ENO4: variants seen among roughly 807,000 people sequenced by gnomAD.
The protein encoded by ENO4 is 2-phospho-D-glycerate hydro-lyase.
In ENO4, 53 loss-of-function variants were observed where a neutral mutation model predicts 63.2. That is an observed-to-expected ratio of 0.84 (90% CI 0.67 to 1.05). The LOEUF (loss-of-function observed/expected upper bound fraction) is 1.05. ENO4 is among the 50% of genes least tolerant of loss of function. The probability of loss-of-function intolerance (pLI) is 0.00; values close to 1 mark genes in which losing one functional copy is unlikely to be tolerated. For synonymous variants in ENO4, 266 were observed against 283.8 expected (o/e 0.94, Z 0.63); for missense variants, 719 against 772.0 (o/e 0.93, Z 0.81).
intron 11 of ENO4, among the ~76,000 whole-genome samples, chr10:116,878,360 A>C (rs1190899539): frequency 1.3e-5 from 2 of 152,226 alleles, no homozygotes; most frequent in African/African-American, 2.4e-5. Flanking sequence ...GGTAGATGAT[A>C]GATAGGAGGC....
chr10:116,849,942 G>A (rs1846023138), intron 1 of ENO4: 1 of 715,698 alleles, frequency 1.4e-6, no homozygotes. Flanking sequence ...GTGGCAGAAA[G>A]GAGGCAGCTG....
Position 116,852,951 on chromosome 10 carries a change from T to C in ENO4, c.166-2672T>C, listed in dbSNP as rs1263893528. On this transcript the variant is annotated intron_variant, in intron 1 of 13. Transcript: ENST00000341276. ...AAGCCCCACCCAGATTACAGGACCA[T>C]GAGCAAGTTAATGGTTTAAACCACC... Among the ~76,000 whole-genome samples the C allele has an allele frequency of 2.0e-5, 3 of 152,178 alleles. No homozygotes were observed. The East Asian group carries it at 5.8e-4, about 29-fold the overall frequency.
downstream of ENO4, among the ~76,000 whole-genome samples, chr10:116,887,332 T>C (rs1292384980): frequency 1.3e-5 from 2 of 152,156 alleles, no homozygotes; most frequent in East Asian, 1.9e-4. Context: ...GGAACAGATA[T>C]CTCTGAAACA....
chr10:116,900,358 A>G (rs1352641065), intron 10 of ENO4: 1 of 611,060 alleles, frequency 1.6e-6, no homozygotes, highest in Non-Finnish European at 2.9e-6. Flanking sequence ...CCTTTATGGC[A>G]TCTAACAACT....
chr10:116,889,712 C>T (rs1024485859), intron 10 of ENO4, among the ~76,000 whole-genome samples: 9 of 152,216 alleles, frequency 5.9e-5, no homozygotes, highest in Non-Finnish European at 1.3e-4. Flanking sequence ...TCAAAGGCAT[C>T]TTCTCCTAGA....
chr10:116,866,538 T>C (rs1378298993), intron 7 of ENO4, among the ~76,000 whole-genome samples: 2 of 152,184 alleles, frequency 1.3e-5, no homozygotes, highest in Admixed American at 1.3e-4. Context: ...TAAATGCCTG[T>C]CTTGGCCAAG....
intron 1 of ENO4, 173 bp downstream of exon 1, chr10:116,849,904 C>G: frequency 1.3e-6 from 1 of 797,162 alleles, no homozygotes; most frequent in Non-Finnish European, 2.1e-6. Context: ...GAAGGACACC[C>G]AGGGGTGAAG....
chr10:116,906,848 G>A lies in ENO4; in HGVS notation c.1195-4651G>A, dbSNP rs192150942. 7.2e-4 allele frequency: 698 copies of A among 969,452 alleles called. 1 individual carries two copies. Among genetic ancestry groups the A allele is most frequent in the Admixed American group, 1.8e-3 (53 of 30,166 alleles). The allele number at this position is 969,452 out of a possible 1,614,324, so 60.1% of individuals were successfully genotyped here. On this transcript the variant is annotated intron_variant, in intron 10 of 10. Coordinates refer to the ENO4 transcript ENST00000369207. The stretch of plus-strand genomic sequence containing the variant: ...ATGAAAACATTACCAGAATTTGAAT[G>A]GAATTATGAAACAAAATGAATTTGC...
In ENO4 at chr10:116,855,651, C is replaced by A. The variant is rs1324668477; in HGVS notation, c.194C>A (p.Pro65His). Residue 65 changes from proline (P) to histidine (H), a missense_variant, in exon 2 of 14, where the codon CCT becomes CAT. Pro to His is a moderately conservative substitution (Grantham distance 77, BLOSUM62 -2). Coordinates refer to ENST00000341276, the MANE Select transcript of ENO4 (RefSeq NM_001242699.2). Reference protein sequence around the residue: ...LANCFSKLAKPPTICKIVGKD... With the variant: ...LANCFSKLAKHPTICKIVGKD... ...AACTGCTTTTCTAAACTTGCAAAGC[C>A]TCCCACCATATGCAAAATAGTGGGG... 3.3e-6 allele frequency: 5 copies of A among 1,536,274 alleles called. No individual in the cohort carries two copies. Among genetic ancestry groups the A allele is most frequent in the Non-Finnish European group, 4.4e-6 (5 of 1,146,928 alleles).
intron 10 of ENO4, chr10:116,901,738 C>A: frequency 1.3e-6 from 2 of 1,546,500 alleles, no homozygotes; most frequent in South Asian, 2.5e-5. Flanking sequence ...TTCTATACAC[C>A]ACTTAGTAAA....
At chr10:116,901,111 G>A (rs1358284742) in intron 10 of ENO4, 1 of 985,158 alleles carries the variant, frequency 1.0e-6, no homozygotes, top group Non-Finnish European at 1.2e-6. Flanking sequence ...TGACAAACTA[G>A]CTGACATCCT....
chr10:116,907,228 C>T lies in ENO4; in HGVS notation c.1195-4271C>T, dbSNP rs970859621. 7.2e-5 allele frequency among the ~76,000 whole-genome samples: 11 copies of T among 152,108 alleles called. No individual in the cohort carries two copies. The East Asian group carries it at 7.7e-4, about 11-fold the overall frequency. ...CTGGCTGCACACCTGATGTCCGTGGCGTCGTAGCTGTCAAAGGAGGCACAT... is the reference window on the plus strand; with the variant it reads ...CTGGCTGCACACCTGATGTCCGTGGTGTCGTAGCTGTCAAAGGAGGCACAT... On this transcript the variant is annotated intron_variant, in intron 10 of 10. Coordinates refer to the ENO4 transcript ENST00000369207.
intron 3 of ENO4, among the ~76,000 whole-genome samples, chr10:116,858,774 A>T (rs1846337119): frequency 1.3e-5 from 2 of 152,220 alleles, no homozygotes; most frequent in South Asian, 2.1e-4. Context: ...ATCTTTAAAC[A>T]TTTATTTCCA....
chr10:116,863,042 TAAC>T (rs1262001543), intron 7 of ENO4, among the ~76,000 whole-genome samples, 190 bp downstream of exon 7: 15 of 152,218 alleles, frequency 9.9e-5, no homozygotes, highest in Admixed American at 4.6e-4. Flanking sequence ...TAATGGTACT[TAAC>T]AATCTCATTT....
At chr10:116,886,214 A>AC, downstream of ENO4, 1 of 1,284,714 alleles carries the variant, frequency 7.8e-7, no homozygotes, top group Non-Finnish European at 1.1e-6. Flanking sequence ...CAAAAGTGAC[A>AC]CCAGAAAAGA....
At position 116,868,707 on chromosome 10, in the gene ENO4, G is replaced by A. The variant is rs1846609912; in HGVS notation, c.1047+1G>A. The A allele has an allele frequency of 2.6e-6, 4 of 1,549,674 alleles. No homozygotes were observed. Among genetic ancestry groups the A allele is most frequent in the Non-Finnish European group, 2.6e-6 (3 of 1,146,194 alleles). ...GCACGATGGAAGCAAAAGAGGTCAA[G>A]TAAGTCTATATATTGTTTACCATCC... is the stretch of plus-strand genomic sequence containing the variant. On this transcript the variant is annotated splice_donor_variant, in intron 8 of 13. Transcript: ENST00000341276. LOFTEE classifies it high-confidence loss of function.
intron 7 of ENO4, among the ~76,000 whole-genome samples, chr10:116,865,873 C>T (rs1240521609): frequency 6.6e-6 from 1 of 152,210 alleles, no homozygotes; most frequent in Non-Finnish European, 1.5e-5. Flanking sequence ...GCTCCCTCTT[C>T]CTGGAATACT....
At chr10:116,900,565 A>T in intron 10 of ENO4, 4 of 1,534,742 alleles carry the variant, frequency 2.6e-6, no homozygotes, top group Non-Finnish European at 3.5e-6. Flanking sequence ...AAAGGAGAAA[A>T]ATCTATACAC....
intron 10 of ENO4, among the ~76,000 whole-genome samples, chr10:116,898,963 T>C (rs1354918981): frequency 2.0e-5 from 3 of 152,220 alleles, no homozygotes; most frequent in African/African-American, 7.2e-5. Context: ...TAGGAATTTA[T>C]TGAAAGAAAA....
Sources: gnomAD v4.1 joint callset for allele counts (sites outside exome capture counted in the v4.1 genomes callset) on GRCh38, gnomAD v4.1.1 for gene constraint, MANE v1.5 for transcripts, NCBI Gene and HGNC (gene_info 2026-07-23, HGNC 2026-07-21) for gene names.